The following SYTL3 variants were observed in gnomAD, a reference collection of about 807,000 sequenced individuals.
The protein encoded by SYTL3 is synaptotagmin-like protein 3.
SYTL3 carries 88 observed loss-of-function variants against 82.1 expected under a neutral mutation model. That is an observed-to-expected ratio of 1.07 (90% CI 0.90 to 1.28). The LOEUF (loss-of-function observed/expected upper bound fraction) is 1.28, where lower values mean the gene tolerates loss of function less well. Ranked by LOEUF, SYTL3 falls within the 50% of genes most tolerant of loss-of-function variation. The probability of loss-of-function intolerance (pLI) is 0.00; values close to 1 mark genes in which losing one functional copy is unlikely to be tolerated. For missense variants in SYTL3, 831 were observed against 757.6 expected, an observed-to-expected ratio of 1.10 and a Z score of -1.14; for synonymous variants, 311 against 289.4, an observed-to-expected ratio of 1.07 and a Z score of -0.76.
chr6:158,707,158 A>G (rs369586481), intron 6 of SYTL3, 72 bp from the exon 7 acceptor site: 13 of 1,425,002 alleles, frequency 9.1e-6, no homozygotes, highest in East Asian at 2.3e-5. Flanking sequence ...ATTTTAATCT[A>G]CTATTTCCTG....
intron 11 of SYTL3, among the ~76,000 whole-genome samples, chr6:158,739,582 CTG>C (rs1786661562): frequency 6.6e-6 from 1 of 152,066 alleles, no homozygotes; most frequent in South Asian, 2.1e-4. Context: ...CTCTCTCTCT[CTG>C]TCTCTTTCTC....
intron 13 of SYTL3, among the ~76,000 whole-genome samples, chr6:158,756,248 TG>T (rs1789041706): frequency 6.6e-6 from 1 of 152,160 alleles, no homozygotes; most frequent in African/African-American, 2.4e-5. Flanking sequence ...TCGTCACTCT[TG>T]GGTGTGTTGG....
chr6:158,675,674 G>A (rs548711210), intron 5 of SYTL3, among the ~76,000 whole-genome samples: 3 of 152,124 alleles, frequency 2.0e-5, no homozygotes, highest in East Asian at 1.9e-4. Flanking sequence ...ATGGCCGGGC[G>A]CAGTGGCTCA....
At chr6:158,726,650 A>C (rs1014700826) in intron 11 of SYTL3, 22 of 271,144 alleles carry the variant, frequency 8.1e-5, no homozygotes, top group African/African-American at 4.8e-4. Context: ...AATGCAAAGT[A>C]ATGGGTCCAA....
rs776409103 is a variant in SYTL3 at position 158,745,563 on chromosome 6, C to T, written c.939C>T (p.Ala313=). Residue 313 remains alanine, a synonymous_variant, in exon 12 of 18, where the codon GCC becomes GCT. Coordinates refer to ENST00000611299, the MANE Select transcript of SYTL3 (RefSeq NM_001242394.2). The part of the protein sequence containing the change: ...NANVTGEIEF[A]IHYCFKTHSL... The stretch of plus-strand genomic sequence containing the variant: ...ATGTCACTGGAGAAATAGAATTTGC[C>T]ATTCATTATTGCTTCAAAACCCATT... 1.2e-6 allele frequency: 2 copies of T among 1,613,698 alleles called. No homozygotes were observed. Among genetic ancestry groups the T allele is most frequent in the Non-Finnish European group, 1.7e-6 (2 of 1,179,876 alleles).
chr6:158,741,803 T>C (rs540305392), intron 11 of SYTL3, among the ~76,000 whole-genome samples: 3 of 152,356 alleles, frequency 2.0e-5, no homozygotes, highest in Non-Finnish European at 2.9e-5. Flanking sequence ...CACCCACTTA[T>C]CGAGCTTTTT....
intron 13 of SYTL3, among the ~76,000 whole-genome samples, chr6:158,756,732 T>TTTTG: frequency 6.8e-6 from 1 of 146,812 alleles, no homozygotes; most frequent in East Asian, 2.0e-4. Flanking sequence ...TTTTTTTTTT[T>TTTTG]TTTTTTTTTT....
At chr6:158,680,299 C>G (rs1165356019) in intron 5 of SYTL3, among the ~76,000 whole-genome samples, 1 of 152,144 alleles carries the variant, frequency 6.6e-6, no homozygotes, top group Non-Finnish European at 1.5e-5. Flanking sequence ...CTGAGACTGC[C>G]TTAAGGTGTT....
chr6:158,644,984 A>G, the SYTL3 span, among the ~76,000 whole-genome samples: 7 of 152,194 alleles, frequency 4.6e-5, no homozygotes, highest in African/African-American at 1.7e-4. Flanking sequence ...CCTAAACCTT[A>G]GCAACAGAAA....
intron 2 of SYTL3, among the ~76,000 whole-genome samples, chr6:158,659,873 G>C (rs776110520): frequency 8.5e-5 from 13 of 152,206 alleles, no homozygotes; most frequent in Non-Finnish European, 1.6e-4. Context: ...ATGTCTCTCT[G>C]ACTTTATTTT....
intron 13 of SYTL3, among the ~76,000 whole-genome samples, chr6:158,756,718 A>ATTTTT (rs1554266255): frequency 4.0e-4 from 19 of 47,340 alleles, no homozygotes; most frequent in Non-Finnish European, 5.6e-4. Flanking sequence ...CTCAAAAAAA[A>ATTTTT]ATTTTTTTTT....
intron 12 of SYTL3, among the ~76,000 whole-genome samples, chr6:158,750,397 C>T (rs1009409498): frequency 2.6e-5 from 4 of 152,058 alleles, no homozygotes; most frequent in Non-Finnish European, 4.4e-5. Flanking sequence ...TGCTTCCAAC[C>T]GTATAGGTAT....
At chr6:158,753,077 C>CTTTTT (rs34396644) in intron 13 of SYTL3, among the ~76,000 whole-genome samples, 235 of 99,002 alleles carry the variant, frequency 2.4e-3, no homozygotes, top group Middle Eastern at 0.011. Context: ...TTCTTCTTTT[C>CTTTTT]TTTTTTTTTT....
At position 158,663,125 on chromosome 6, in the gene SYTL3, C is replaced by G; in HGVS notation, c.-144C>G. The G allele has an allele frequency of 1.5e-6, 1 of 647,872 alleles. No individual in the cohort carries two copies. The highest frequency in any genetic ancestry group is 2.7e-6 in the Non-Finnish European group (1 of 372,518). The allele number at this position is 647,872 out of a possible 1,614,324, so 40.1% of individuals were successfully genotyped here. On this transcript the variant is annotated 5_prime_UTR_variant, in exon 4 of 18. Transcript: ENST00000611299. ...TTAAAAAGGAAAAAAGAACCACAAGCAAAACAGTTGCCAGTGAAATAGGAG... is the reference window on the plus strand; with the variant it reads ...TTAAAAAGGAAAAAAGAACCACAAGGAAAACAGTTGCCAGTGAAATAGGAG...
intron 5 of SYTL3, among the ~76,000 whole-genome samples, chr6:158,669,953 GT>G (rs1327814312): frequency 3.9e-5 from 6 of 152,140 alleles, no homozygotes; most frequent in African/African-American, 1.2e-4. Flanking sequence ...ACTTAAAAAG[GT>G]TTTTTGTTGT....
rs141760177 is a variant in SYTL3 at position 158,727,631 on chromosome 6, C to T, written c.855+1994C>T. On this transcript the variant is annotated intron_variant, in intron 11 of 17. Transcript: ENST00000611299. ...GAGGGAATCTTCACCCACCAGGCCT[C>T]GAGGCCACCCGCCCACCTCCCATGG... Among the ~76,000 whole-genome samples the T allele has an allele frequency of 2.6e-4, 40 of 151,722 alleles. No homozygotes were observed. In the East Asian group the frequency reaches 7.4e-3, roughly 28 times the overall value.
At chr6:158,655,354 T>C (rs1350837972) in intron 2 of SYTL3, among the ~76,000 whole-genome samples, 1 of 152,190 alleles carries the variant, frequency 6.6e-6, no homozygotes, top group Non-Finnish European at 1.5e-5. Flanking sequence ...TAAATCTCCG[T>C]GTCGCAATAT....
intron 11 of SYTL3, among the ~76,000 whole-genome samples, chr6:158,731,079 T>A (rs1383618363): frequency 2.0e-5 from 3 of 151,280 alleles, no homozygotes; most frequent in Non-Finnish European, 4.4e-5. Context: ...GGTCAGGAGA[T>A]CGAGACCATC....
At chr6:158,764,451 G>A (rs1280598244) in intron 17 of SYTL3, 44 bp from the exon 18 acceptor site, 2 of 1,412,794 alleles carry the variant, frequency 1.4e-6, no homozygotes, top group South Asian at 1.2e-5. Flanking sequence ...GGGATGAAGT[G>A]GTGCCCTCCC....
Sources: gnomAD v4.1 joint callset for allele counts (sites outside exome capture counted in the v4.1 genomes callset) on GRCh38, gnomAD v4.1.1 for gene constraint, MANE v1.5 for transcripts, NCBI Gene and HGNC (gene_info 2026-07-23, HGNC 2026-07-21) for gene names.